The following ATXN2L variants were observed in gnomAD, a reference collection of about 807,000 sequenced individuals.
ATXN2L encodes the protein ataxin 2 like.
In ATXN2L, 24 loss-of-function variants were observed where a neutral mutation model predicts 120.7. That is an observed-to-expected ratio of 0.20 (90% CI 0.14 to 0.28). The LOEUF is 0.28. Among genes scored for constraint, ATXN2L ranks in the 10% least tolerant of loss-of-function variants. ATXN2L has a pLI of 1.00. For missense variants in ATXN2L, 1,312 were observed against 1,432.3 expected (o/e 0.92, Z 1.36); for synonymous variants, 653 against 568.1 (o/e 1.15, Z -2.13).
intron 10 of ATXN2L, among the ~76,000 whole-genome samples, chr16:28,831,552 A>G (rs2054430233): frequency 6.6e-6 from 1 of 151,638 alleles, no homozygotes; most frequent in South Asian, 2.1e-4. Context: ...CTGATCTCGA[A>G]CTCCTGACCT....
At position 28,836,072 on chromosome 16, in the gene ATXN2L, C is replaced by T; in HGVS notation, c.3035C>T (p.Ala1012Val). The T allele has an allele frequency of 6.2e-7, 1 of 1,610,972 alleles. No individual in the cohort carries two copies. Among genetic ancestry groups the T allele is most frequent in the Non-Finnish European group, 8.5e-7 (1 of 1,177,742 alleles). Residue 1012 changes from alanine to valine, a missense_variant, in exon 22 of 22, where the codon GCA (alanine) becomes GTA (valine). Ala to Val is a moderately conservative substitution (Grantham distance 64). Transcript: ENST00000336783. ...QGAVPQSGVP[A>V]LSASTPSPYP... ...GCGGTGCCCCAGAGTGGGGTGCCTG[C>T]ACTCTCAGCTTCCACACCCTCACCC...
rs554817856 is a variant in ATXN2L, at chr16:28,832,552, C to A, written c.1573C>A (p.Arg525=). The A allele has an allele frequency of 6.2e-7, 1 of 1,614,112 alleles. No individual in the cohort carries two copies. The highest frequency in any genetic ancestry group is 2.2e-5 in the East Asian group (1 of 44,892). ...GRTLEPQELA[R]IAGKVPGLQN... is the part of the protein sequence containing the mutation. Reference sequence around the variant, plus strand: ...AACTCTGGAGCCCCAGGAGCTGGCTCGGATAGCTGGGAAAGGTGAGGGTGG... The same window carrying A: ...AACTCTGGAGCCCCAGGAGCTGGCTAGGATAGCTGGGAAAGGTGAGGGTGG... Residue 525 remains arginine (R), a synonymous_variant, in exon 12 of 22, where the codon CGG becomes AGG. Transcript: ENST00000336783.
At chr16:28,831,906 G>A (rs1315639743) in intron 10 of ATXN2L, among the ~76,000 whole-genome samples, 1 of 152,110 alleles carries the variant, frequency 6.6e-6, no homozygotes, top group Non-Finnish European at 1.5e-5. Context: ...ATCAATAGAA[G>A]CCATAGAAAA....
At chr16:28,830,891 T>C (rs1355647122) in intron 9 of ATXN2L, 71 bp from the exon 10 acceptor site, 26 of 1,486,878 alleles carry the variant, frequency 1.7e-5, no homozygotes, top group Middle Eastern at 1.8e-4. Flanking sequence ...TGACGCTGCA[T>C]CGGTGGGAAT....
chr16:28,833,577 TA>T (rs2055330544), intron 15 of ATXN2L, 69 bp downstream of exon 15: 4 of 1,468,532 alleles, frequency 2.7e-6, no homozygotes, highest in East Asian at 2.3e-5. Flanking sequence ...TATAGATGAA[TA>T]GGGGGAGGAA....
chr16:28,836,797 C>G lies in ATXN2L; in HGVS notation c.*532C>G. The G allele has an allele frequency of 2.5e-6, 4 of 1,613,948 alleles. No individual in the cohort carries two copies. The highest frequency in any genetic ancestry group is 3.4e-6 in the Non-Finnish European group (4 of 1,179,940). ...AACTGAAGATTGTCCTGGCCGCGAC[C>G]TGAGACCTCCATGAGTGGAGGGAAG... On this transcript the variant is annotated 3_prime_UTR_variant, in exon 22 of 22. Transcript: ENST00000336783.
At chr16:28,826,422 T>G in intron 5 of ATXN2L, 32 bp downstream of exon 5, 1 of 1,609,132 alleles carries the variant, frequency 6.2e-7, no homozygotes, top group Non-Finnish European at 8.5e-7. Flanking sequence ...TCAGACCTGC[T>G]CTGTGTGCAT....
rs1567424653 is a variant in ATXN2L, at chr16:28,832,905, T to G, written c.1659+18T>G. 1.5e-5 allele frequency: 24 copies of G among 1,613,700 alleles called. No individual in the cohort carries two copies. The highest frequency in any genetic ancestry group is 2.0e-5 in the Non-Finnish European group (24 of 1,179,654). On this transcript the variant is annotated intron_variant, in intron 13 of 21. Transcript: ENST00000336783. The stretch of plus-strand genomic sequence containing the variant: ...AGTTTAAGGTGAGAGAAGAGTGAGC[T>G]GGGATATTAGCAGGGTAAAGGGGTT...
At position 28,829,545 on chromosome 16, in the gene ATXN2L, G is replaced by A. The variant is rs2053582882; in HGVS notation, c.833+53G>A. On this transcript the variant is annotated intron_variant, in intron 7 of 21. Coordinates refer to ENST00000336783, the MANE Select transcript of ATXN2L (RefSeq NM_007245.4). The stretch of plus-strand genomic sequence containing the variant: ...TGTGTTGGTGATATGGGGTCACTAA[G>A]TGAAGACAGGTTTCCAGGTAGAACA... 8 of 1,312,392 alleles carry A rather than the reference G, an allele frequency of 6.1e-6. No homozygotes were observed. The South Asian group carries it at 9.6e-5, about 16-fold the overall frequency. The allele number at this position is 1,312,392 out of a possible 1,614,324, so 81.3% of individuals were successfully genotyped here. A position where few individuals can be genotyped will look rare whatever the true frequency, so the allele number is the denominator to read the frequency against.
intron 5 of ATXN2L, 139 bp downstream of exon 5, chr16:28,826,529 T>G: frequency 1.0e-6 from 1 of 982,224 alleles, no homozygotes; most frequent in Non-Finnish European, 1.5e-6. Context: ...ATGCCTTTTT[T>G]TTCCTGAGCG....
chr16:28,836,643 C>A lies in ATXN2L; in HGVS notation c.*378C>A. On this transcript the variant is annotated 3_prime_UTR_variant, in exon 22 of 22. Transcript: ENST00000336783. ...GGCCGCTCCTTCCCAGACACACCCC[C>A]ACGCCCCCACTGGACGGCATTGGAG... 1 of 1,610,650 alleles carries A rather than the reference C, an allele frequency of 6.2e-7. No individual in the cohort carries two copies. The highest frequency in any genetic ancestry group is 2.2e-5 in the East Asian group (1 of 44,840).
In ATXN2L at chr16:28,832,600, T is replaced by G. The variant is rs73529503; in HGVS notation, c.1588+33T>G. 3,010 of 1,601,116 alleles carry G rather than the reference T, an allele frequency of 1.9e-3. 31 individuals carry two copies. The African/African-American group carries it at 0.034, about 18-fold the overall frequency. ...TGGTTTTTTTTCTGCTGAGGATTAATGCTCCTTTGTCTGGGGGAGAGTATT... is the reference window on the plus strand; with the variant it reads ...TGGTTTTTTTTCTGCTGAGGATTAAGGCTCCTTTGTCTGGGGGAGAGTATT... On this transcript the variant is annotated intron_variant, in intron 12 of 21. Coordinates refer to ENST00000336783, the MANE Select transcript of ATXN2L (RefSeq NM_007245.4).
At chr16:28,825,520 G>A (rs1439577020) in intron 2 of ATXN2L, 104 bp from the exon 3 acceptor site, 3 of 1,534,252 alleles carry the variant, frequency 2.0e-6, no homozygotes, top group East Asian at 2.2e-5. Flanking sequence ...CTGTGGGCCC[G>A]GCACACACAA....
rs769628304 is a variant in ATXN2L at position 28,836,246 on chromosome 16, G to A, written c.3209G>A (p.Arg1070Gln). ...GGGCTGCAGGTGGGGCAGGATGCAC[G>A]GGTTCTGGGTGGGGAGTGAGGGGTC... ...AEGLQVGQDA[R>Q]VLGGE The change falls in exon 22 of 22, where the codon CGG becomes CAG. Residue 1070 changes from arginine (R) to glutamine (Q), a missense_variant. Arg to Gln is a conservative substitution (Grantham distance 43, BLOSUM62 1). Coordinates refer to ENST00000336783, the MANE Select transcript of ATXN2L (RefSeq NM_007245.4). 10 of 1,612,860 alleles carry A rather than the reference G, an allele frequency of 6.2e-6. No homozygotes were observed. The highest frequency in any genetic ancestry group is 4.5e-5 in the East Asian group (2 of 44,856).
At position 28,834,573 on chromosome 16, in the gene ATXN2L, C is replaced by T. The variant is rs758614947; in HGVS notation, c.2313C>T (p.Ala771=). The T allele has an allele frequency of 1.2e-5, 20 of 1,612,802 alleles. No homozygotes were observed. The highest frequency in any genetic ancestry group is 1.6e-4 in the Middle Eastern group (1 of 6,062). Residue 771 remains alanine (A), a synonymous_variant, in exon 18 of 22, where the codon GCC becomes GCT. Coordinates refer to ENST00000336783, the MANE Select transcript of ATXN2L (RefSeq NM_007245.4). ...CAGCCCCGCCGATGATGCAGGCCGC[C>T]GCGGCTGCTGGCCCGCCTCTGGTGG... The part of the protein sequence containing the change: ...PASAPPMMQA[A]AAAGPPLVAA...
intron 10 of ATXN2L, 137 bp from the exon 11 acceptor site, chr16:28,832,068 G>T: frequency 1.1e-6 from 1 of 886,746 alleles, no homozygotes; most frequent in South Asian, 1.7e-5. Context: ...TGTGTTACCT[G>T]CCTTGAGCTT....
intron 7 of ATXN2L, 62 bp from the exon 8 acceptor site, chr16:28,829,796 T>C: frequency 1.3e-6 from 2 of 1,551,008 alleles, no homozygotes; most frequent in Non-Finnish European, 1.8e-6. Flanking sequence ...GAAATGTTTT[T>C]CCTTTTTTCC....
At chr16:28,825,978 CA>C in intron 4 of ATXN2L, 137 bp downstream of exon 4, 2 of 948,176 alleles carry the variant, frequency 2.1e-6, no homozygotes, top group South Asian at 3.1e-5. Context: ...AATAGTGCTG[CA>C]GGGAAAAAAG....
intron 2 of ATXN2L, 101 bp from the exon 3 acceptor site, chr16:28,825,521 GCA>G (rs1239284354): frequency 6.5e-7 from 1 of 1,528,428 alleles, no homozygotes; most frequent in Non-Finnish European, 9.1e-7. Flanking sequence ...TGTGGGCCCG[GCA>G]CACACAAGGC....
Sources: gnomAD v4.1 joint callset for allele counts (sites outside exome capture counted in the v4.1 genomes callset) on GRCh38, gnomAD v4.1.1 for gene constraint, MANE v1.5 for transcripts, NCBI Gene and HGNC (gene_info 2026-07-23, HGNC 2026-07-21) for gene names.